Variants in UBAP1 observed in about 807,000 individuals in gnomAD.
UBAP1 encodes the protein ubiquitin associated protein 1.
Under a neutral mutation model 39.0 loss-of-function variants are expected in UBAP1, and 5 were observed. That is an observed-to-expected ratio of 0.13 (90% CI 0.07 to 0.27). UBAP1 has a LOEUF of 0.27. UBAP1 is among the 10% of genes least tolerant of loss of function. The pLI is 1.00. For synonymous variants in UBAP1, 211 were observed against 225.1 expected (o/e 0.94, Z 0.56); for missense variants, 490 against 608.1 (o/e 0.81, Z 2.04).
intron 1 of UBAP1, among the ~76,000 whole-genome samples, chr9:34,190,633 CTT>C (rs563281159): frequency 2.5e-4 from 32 of 129,418 alleles, no homozygotes; most frequent in Non-Finnish European, 3.1e-4. Context: ...TTCTTTCTTT[CTT>C]TTTTTTTTTT....
At chr9:34,181,284 T>A (rs1300819686) in intron 1 of UBAP1, among the ~76,000 whole-genome samples, 4 of 150,070 alleles carry the variant, frequency 2.7e-5, no homozygotes, top group Non-Finnish European at 4.4e-5. Context: ...GCTAATTTTT[T>A]AAAATATTTT....
chr9:34,199,112 C>T (rs1271174344), intron 1 of UBAP1, among the ~76,000 whole-genome samples: 1 of 152,152 alleles, frequency 6.6e-6, no homozygotes, highest in Admixed American at 6.6e-5. Flanking sequence ...CTCGCTCTGT[C>T]GCGCAGGCTG....
chr9:34,249,039 G>A lies in UBAP1; in HGVS notation c.1084-740G>A, dbSNP rs1465439461. On this transcript the variant is annotated intron_variant, in intron 4 of 6. Coordinates refer to ENST00000297661, the MANE Select transcript of UBAP1 (RefSeq NM_016525.5). Reference sequence around the variant, plus strand: ...ACGCCTATCCGACTGGGGTTAGTAAGTTCCAGTGGCAGGGAGCAGGCTGCC... The same window carrying A: ...ACGCCTATCCGACTGGGGTTAGTAAATTCCAGTGGCAGGGAGCAGGCTGCC... 2.6e-5 allele frequency among the ~76,000 whole-genome samples: 4 copies of A among 152,150 alleles called. No homozygotes were observed. The East Asian group carries it at 7.7e-4, about 29-fold the overall frequency.
At chr9:34,218,208 T>G (rs201431403) in intron 1 of UBAP1, among the ~76,000 whole-genome samples, 1 of 119,390 alleles carries the variant, frequency 8.4e-6, no homozygotes, top group Non-Finnish European at 1.6e-5. Context: ...GCCGAGATCA[T>G]GCCACTGCAC....
chr9:34,216,609 G>A lies in UBAP1; in HGVS notation c.-7-4299G>A, dbSNP rs1832331781. Reference sequence around the variant, plus strand: ...TGGACTCAAGTGAACCTGATTAGCTGGGACTACAGGCATGCACCACCACAC... The same window carrying A: ...TGGACTCAAGTGAACCTGATTAGCTAGGACTACAGGCATGCACCACCACAC... On this transcript the variant is annotated intron_variant, in intron 1 of 6. Coordinates refer to ENST00000297661, the MANE Select transcript of UBAP1 (RefSeq NM_016525.5). Among the ~76,000 whole-genome samples, 4 of 150,370 alleles carry A rather than the reference G, an allele frequency of 2.7e-5. No homozygotes were observed. In the South Asian group the frequency reaches 6.3e-4, roughly 24 times the overall value.
intron 1 of UBAP1, among the ~76,000 whole-genome samples, chr9:34,214,283 A>T (rs1027884030): frequency 6.6e-6 from 1 of 152,244 alleles, no homozygotes; most frequent in Admixed American, 6.5e-5. Flanking sequence ...CTATAAGGCC[A>T]TAGTCACCAA....
chr9:34,229,848 T>C (rs1292325644), intron 2 of UBAP1, among the ~76,000 whole-genome samples: 1 of 152,100 alleles, frequency 6.6e-6, no homozygotes, highest in Non-Finnish European at 1.5e-5. Context: ...CTAATTTTTG[T>C]ATTTTTAGTA....
At chr9:34,203,474 C>T (rs1387551253) in intron 1 of UBAP1, among the ~76,000 whole-genome samples, 1 of 152,136 alleles carries the variant, frequency 6.6e-6, no homozygotes, top group African/African-American at 2.4e-5. Flanking sequence ...TGTGGCCGGG[C>T]ACTATGCTTG....
At chr9:34,207,048 CTTTT>C (rs34197502) in intron 1 of UBAP1, among the ~76,000 whole-genome samples, 6 of 90,056 alleles carry the variant, frequency 6.7e-5, no homozygotes, top group African/African-American at 2.3e-4. Context: ...ATTGTTATTT[CTTTT>C]TTTTTTTTTT....
intron 1 of UBAP1, among the ~76,000 whole-genome samples, chr9:34,218,880 T>G (rs1832498511): frequency 6.6e-6 from 1 of 152,020 alleles, no homozygotes; most frequent in Non-Finnish European, 1.5e-5. Context: ...GAGGTTGCAA[T>G]AAAGATTGTG....
intron 1 of UBAP1, among the ~76,000 whole-genome samples, chr9:34,216,382 A>T (rs539514866): frequency 5.9e-4 from 89 of 151,846 alleles, no homozygotes; most frequent in Non-Finnish European, 2.2e-4. Flanking sequence ...TCTTTCCCAG[A>T]CCCAGGCAAC....
intron 1 of UBAP1, among the ~76,000 whole-genome samples, chr9:34,185,544 A>G (rs989032777): frequency 6.7e-5 from 10 of 148,156 alleles, no homozygotes; most frequent in Admixed American, 2.0e-4. Flanking sequence ...GCAAGATCCT[A>G]CCTCAAAAGA....
chr9:34,246,015 G>A (rs1201611256), intron 4 of UBAP1, among the ~76,000 whole-genome samples: 1 of 152,088 alleles, frequency 6.6e-6, no homozygotes, highest in Admixed American at 6.6e-5. Flanking sequence ...AAAAGAATAA[G>A]AAATATATTG....
At chr9:34,211,841 G>C (rs1832035484) in intron 1 of UBAP1, 1 of 177,386 alleles carries the variant, frequency 5.6e-6, no homozygotes. Context: ...TTTATTCTTT[G>C]TTCTTTTTTC....
At chr9:34,193,166 C>T (rs1291283162) in intron 1 of UBAP1, among the ~76,000 whole-genome samples, 1 of 151,970 alleles carries the variant, frequency 6.6e-6, no homozygotes, top group Non-Finnish European at 1.5e-5. Flanking sequence ...AAAAATTAGC[C>T]AGGCGTGGTG....
At chr9:34,250,573 A>G in intron 5 of UBAP1, 85 bp from the exon 6 acceptor site, 1 of 1,079,714 alleles carries the variant, frequency 9.3e-7, no homozygotes, top group South Asian at 1.4e-5. Context: ...CGGAGAACGG[A>G]CTTCACACAC....
intron 2 of UBAP1, among the ~76,000 whole-genome samples, chr9:34,232,342 G>A (rs929239558): frequency 1.3e-5 from 2 of 152,162 alleles, no homozygotes; most frequent in African/African-American, 4.8e-5. Context: ...AGTAAATAAG[G>A]GTAGGAATGT....
chr9:34,208,601 T>C (rs1262429622), intron 1 of UBAP1, among the ~76,000 whole-genome samples: 1 of 151,676 alleles, frequency 6.6e-6, no homozygotes. Flanking sequence ...CACAGTGAAA[T>C]CCCGTCTCTA....
chr9:34,197,393 T>C (rs1405412227), intron 1 of UBAP1, among the ~76,000 whole-genome samples: 3 of 152,068 alleles, frequency 2.0e-5, no homozygotes, highest in Non-Finnish European at 4.4e-5. Context: ...CTGCCCGCCT[T>C]GGCCTCCCAA....
Sources: gnomAD v4.1 joint callset for allele counts (sites outside exome capture counted in the v4.1 genomes callset) on GRCh38, gnomAD v4.1.1 for gene constraint, MANE v1.5 for transcripts, NCBI Gene and HGNC (gene_info 2026-07-23, HGNC 2026-07-21) for gene names.